Variants in KIAA1217 observed in about 807,000 individuals in gnomAD.
KIAA1217 encodes the protein KIAA1217.
Under a neutral mutation model 163.9 loss-of-function variants are expected in KIAA1217, and 88 were observed. That is an observed-to-expected ratio of 0.54 (90% CI 0.45 to 0.64). The LOEUF (loss-of-function observed/expected upper bound fraction) is 0.64. Ranked by LOEUF, KIAA1217 falls within the 30% of genes least tolerant of loss-of-function variation. KIAA1217 has a pLI of 0.00. For synonymous variants in KIAA1217, 903 were observed against 923.1 expected (o/e 0.98, Z 0.39); for missense variants, 2,372 against 2,475.0 (o/e 0.96, Z 0.88).
chr10:24,429,897 C>T (rs1056935850), intron 3 of KIAA1217, among the ~76,000 whole-genome samples: 2 of 152,116 alleles, frequency 1.3e-5, no homozygotes, highest in Non-Finnish European at 2.9e-5. Context: ...CATCCCAGAA[C>T]TTTGGGAGTC....
At chr10:24,084,105 C>T (rs1190108908) in intron 2 of KIAA1217, among the ~76,000 whole-genome samples, 1 of 152,206 alleles carries the variant, frequency 6.6e-6, no homozygotes, top group Non-Finnish European at 1.5e-5. Flanking sequence ...AAGGTCTTTG[C>T]TCAAAACATC....
chr10:23,930,905 C>T (rs191346888), intron 1 of KIAA1217, among the ~76,000 whole-genome samples: 1 of 152,212 alleles, frequency 6.6e-6, no homozygotes. Flanking sequence ...TCACGTGTGC[C>T]TCCCCTTGGT....
chr10:23,709,943 C>G (rs1293461950), intron 1 of KIAA1217, among the ~76,000 whole-genome samples: 3 of 152,312 alleles, frequency 2.0e-5, no homozygotes, highest in Admixed American at 6.5e-5. Context: ...TTATGTCGCA[C>G]TTTCCCTATT....
intron 1 of KIAA1217, among the ~76,000 whole-genome samples, chr10:23,851,930 C>T (rs1421262801): frequency 9.2e-5 from 14 of 151,792 alleles, no homozygotes; most frequent in East Asian, 5.8e-4. Flanking sequence ...GTCAGATGAG[C>T]AGGTTGTGAA....
At chr10:24,113,172 A>T (rs2062923507) in intron 2 of KIAA1217, among the ~76,000 whole-genome samples, 2 of 152,112 alleles carry the variant, frequency 1.3e-5, no homozygotes, top group Non-Finnish European at 1.5e-5. Flanking sequence ...ATACAGCTTG[A>T]TCATATTCTA....
intron 1 of KIAA1217, among the ~76,000 whole-genome samples, chr10:23,819,444 A>G (rs1837516768): frequency 6.6e-6 from 1 of 151,966 alleles, no homozygotes; most frequent in African/African-American, 2.4e-5. Flanking sequence ...GCAGTGAGAG[A>G]TGACGTGGAC....
intron 1 of KIAA1217, among the ~76,000 whole-genome samples, chr10:23,697,978 T>C (rs1264547527): frequency 2.6e-5 from 4 of 152,232 alleles, no homozygotes; most frequent in Admixed American, 6.5e-5. Flanking sequence ...CAAGAGTTTA[T>C]AGGCATTAAT....
chr10:23,827,965 G>A (rs1268090590), intron 1 of KIAA1217, among the ~76,000 whole-genome samples: 2 of 152,226 alleles, frequency 1.3e-5, no homozygotes, highest in Non-Finnish European at 2.9e-5. Flanking sequence ...GCCCAAGGAA[G>A]ATGACCTGTG....
chr10:23,717,180 T>C (rs1837622041), intron 1 of KIAA1217, among the ~76,000 whole-genome samples: 1 of 152,160 alleles, frequency 6.6e-6, no homozygotes, highest in African/African-American at 2.4e-5. Flanking sequence ...TAGGTTTCCG[T>C]GAACTTAAAA....
At chr10:24,387,045 G>T (rs538371298) in intron 3 of KIAA1217, among the ~76,000 whole-genome samples, 12 of 152,304 alleles carry the variant, frequency 7.9e-5, no homozygotes, top group African/African-American at 2.9e-4. Context: ...TAAGTTCATG[G>T]TCAGGCTCTT....
At chr10:23,766,465 C>T (rs1834519212) in intron 1 of KIAA1217, among the ~76,000 whole-genome samples, 1 of 152,046 alleles carries the variant, frequency 6.6e-6, no homozygotes, top group South Asian at 2.1e-4. Context: ...TTTAGGTTTA[C>T]AAATGTCATT....
chr10:24,504,076 G>A (rs1241286397), intron 9 of KIAA1217, among the ~76,000 whole-genome samples: 1 of 152,174 alleles, frequency 6.6e-6, no homozygotes, highest in African/African-American at 2.4e-5. Flanking sequence ...AGTGGCTGGC[G>A]TAGTTTGGTC....
At chr10:23,995,478 G>A (rs940250255) in intron 1 of KIAA1217, among the ~76,000 whole-genome samples, 1 of 151,448 alleles carries the variant, frequency 6.6e-6, no homozygotes, top group African/African-American at 2.4e-5. Context: ...GTGTGTGTGT[G>A]TGTGAGTGTG....
chr10:24,528,270 T>A (rs756943874), intron 14 of KIAA1217, 151 bp downstream of exon 14: 5 of 616,134 alleles, frequency 8.1e-6, no homozygotes, highest in Non-Finnish European at 1.4e-5. Flanking sequence ...GCAAATCCTC[T>A]GGTGTTCCTT....
chr10:24,357,671 A>G (rs2049292646), intron 2 of KIAA1217, among the ~76,000 whole-genome samples: 1 of 152,082 alleles, frequency 6.6e-6, no homozygotes, highest in Admixed American at 6.5e-5. Context: ...TGTTTAACTT[A>G]AGTTTCGTGT....
intron 2 of KIAA1217, among the ~76,000 whole-genome samples, chr10:24,284,406 C>T (rs1289137920): frequency 6.6e-6 from 1 of 152,026 alleles, no homozygotes; most frequent in African/African-American, 2.4e-5. Flanking sequence ...TTTTGGAGTC[C>T]CCAGTGTCTG....
chr10:23,811,598 T>C (rs1297452973), intron 1 of KIAA1217, among the ~76,000 whole-genome samples: 1 of 151,800 alleles, frequency 6.6e-6, no homozygotes, highest in African/African-American at 2.4e-5. Flanking sequence ...AATGTGAGGA[T>C]GAGAAAGGGG....
chr10:23,926,595 G>C (rs2131302387), intron 1 of KIAA1217, among the ~76,000 whole-genome samples: 1 of 152,116 alleles, frequency 6.6e-6, no homozygotes, highest in East Asian at 2.0e-4. Flanking sequence ...CGTGGTGGCA[G>C]GCGCCTGTAA....
intron 14 of KIAA1217, among the ~76,000 whole-genome samples, chr10:24,528,714 AT>A (rs1231485859): frequency 1.3e-5 from 2 of 152,174 alleles, no homozygotes; most frequent in Non-Finnish European, 2.9e-5. Context: ...GAAAATTTAA[AT>A]TCATAGTGTT....
Sources: allele counts gnomAD v4.1 joint callset (sites outside exome capture counted in the v4.1 genomes callset), GRCh38; gene constraint gnomAD v4.1.1; transcripts MANE v1.5; gene names NCBI Gene and HGNC (gene_info 2026-07-23, HGNC 2026-07-21).